SGCZ: variants seen among roughly 807,000 people sequenced by gnomAD.
The protein encoded by SGCZ is sarcoglycan zeta, also known as zeta-sarcoglycan.
SGCZ carries 40 observed loss-of-function variants against 41.3 expected under a neutral mutation model. The ratio of observed to expected loss-of-function variants is 0.97; its 90% confidence interval spans 0.75 to 1.26. The LOEUF (loss-of-function observed/expected upper bound fraction) is 1.26. Ranked by LOEUF, SGCZ falls within the 50% of genes most tolerant of loss-of-function variation. SGCZ has a pLI of 0.00. For synonymous variants in SGCZ, 206 were observed against 137.5 expected, an observed-to-expected ratio of 1.50 and a Z score of -3.49; for missense variants, 552 against 369.8, an observed-to-expected ratio of 1.49 and a Z score of -4.04.
chr8:14,420,977 C>T (rs764095215), intron 2 of SGCZ, among the ~76,000 whole-genome samples: 1 of 152,066 alleles, frequency 6.6e-6, no homozygotes, highest in Non-Finnish European at 1.5e-5. Context: ...AGGGATCACA[C>T]TATTTCAGAA....
chr8:14,658,982 G>A (rs2117477201), intron 1 of SGCZ, among the ~76,000 whole-genome samples: 1 of 152,062 alleles, frequency 6.6e-6, no homozygotes, highest in East Asian at 1.9e-4. Flanking sequence ...TGTCAAAGAA[G>A]TTTTACTAAC....
intron 4 of SGCZ, among the ~76,000 whole-genome samples, chr8:14,198,707 G>T (rs1481585997): frequency 6.6e-6 from 1 of 152,164 alleles, no homozygotes; most frequent in Admixed American, 6.5e-5. Context: ...ACCACAAACG[G>T]AGGGACCAGC....
chr8:14,409,378 G>A (rs1002731659), intron 2 of SGCZ, among the ~76,000 whole-genome samples: 4 of 152,008 alleles, frequency 2.6e-5, no homozygotes, highest in African/African-American at 7.2e-5. Flanking sequence ...ATGTAGTTTG[G>A]AGGTAAATAT....
intron 1 of SGCZ, among the ~76,000 whole-genome samples, chr8:15,209,589 A>T (rs1050934766): frequency 6.6e-6 from 1 of 152,098 alleles, no homozygotes; most frequent in African/African-American, 2.4e-5. Flanking sequence ...TGTGGGATAG[A>T]CATTTTGCTT....
intron 4 of SGCZ, among the ~76,000 whole-genome samples, chr8:14,206,341 C>T (rs1388580263): frequency 6.6e-6 from 1 of 152,106 alleles, no homozygotes; most frequent in Non-Finnish European, 1.5e-5. Context: ...TACATCCAGT[C>T]AATTATTTGG....
At chr8:14,206,757 G>C (rs919804238) in intron 4 of SGCZ, among the ~76,000 whole-genome samples, 2 of 152,156 alleles carry the variant, frequency 1.3e-5, no homozygotes, top group Non-Finnish European at 2.9e-5. Flanking sequence ...CCTGCTGTTA[G>C]GAATGGCCAT....
At chr8:14,625,050 A>G (rs528662662) in intron 1 of SGCZ, among the ~76,000 whole-genome samples, 1 of 152,142 alleles carries the variant, frequency 6.6e-6, no homozygotes, top group Non-Finnish European at 1.5e-5. Flanking sequence ...TTGTTTTAAT[A>G]TGTGTCTTAA....
At chr8:14,684,856 T>C (rs1038922012) in intron 1 of SGCZ, among the ~76,000 whole-genome samples, 2 of 152,126 alleles carry the variant, frequency 1.3e-5, no homozygotes, top group African/African-American at 2.4e-5. Context: ...CAGCCTTCAC[T>C]GAAACACATG....
rs980159891 is a variant in SGCZ at position 14,337,653 on chromosome 8, G to C, written c.235-13449C>G. On this transcript the variant is annotated intron_variant, in intron 2 of 7. Transcript: ENST00000382080. ...TAGATATAGTGGAATGAACATACTG[G>C]GTAGGGTCGGAAAACCTACCAAATG... 9.2e-5 allele frequency among the ~76,000 whole-genome samples: 14 copies of C among 152,112 alleles called. No homozygotes were observed. The South Asian group carries it at 1.0e-3, about 11-fold the overall frequency.
intron 2 of SGCZ, among the ~76,000 whole-genome samples, chr8:14,402,810 T>A (rs559595035): frequency 2.0e-5 from 3 of 149,226 alleles, no homozygotes; most frequent in South Asian, 4.2e-4. Context: ...AAGTAGTTTT[T>A]TCCAATTCTG....
intron 1 of SGCZ, among the ~76,000 whole-genome samples, chr8:14,631,455 C>T (rs1224010843): frequency 6.6e-6 from 1 of 152,018 alleles, no homozygotes; most frequent in Non-Finnish European, 1.5e-5. Flanking sequence ...GGTATCTACA[C>T]CACAGAAATT....
intron 1 of SGCZ, among the ~76,000 whole-genome samples, chr8:14,876,880 C>T (rs1325947299): frequency 6.6e-6 from 1 of 152,198 alleles, no homozygotes; most frequent in Non-Finnish European, 1.5e-5. Flanking sequence ...TCCCCCCGCC[C>T]TGCAATGGAG....
chr8:14,244,650 G>A lies in SGCZ; in HGVS notation c.337-6971C>T, dbSNP rs528239919. Among the ~76,000 whole-genome samples, 198 of 151,660 alleles carry A rather than the reference G, an allele frequency of 1.3e-3. 1 individual carries two copies. The highest frequency in any genetic ancestry group is 4.5e-3 in the African/African-American group (185 of 41,298). ...TGCAGAAAGGCATTGGTAGCTTGATGGGGATGGCATAGAATCTATAAATTA... is the reference window on the plus strand; with the variant it reads ...TGCAGAAAGGCATTGGTAGCTTGATAGGGATGGCATAGAATCTATAAATTA... On this transcript the variant is annotated intron_variant, in intron 3 of 7. Coordinates refer to ENST00000382080, the MANE Select transcript of SGCZ (RefSeq NM_139167.4).
intron 3 of SGCZ, among the ~76,000 whole-genome samples, chr8:14,257,088 G>C (rs1193386471): frequency 2.6e-5 from 4 of 152,056 alleles, no homozygotes; most frequent in Non-Finnish European, 2.9e-5. Flanking sequence ...CCTAGCACTA[G>C]AAGGCCAAAG....
At chr8:14,628,810 A>AT (rs1262275656) in intron 1 of SGCZ, among the ~76,000 whole-genome samples, 1 of 152,144 alleles carries the variant, frequency 6.6e-6, no homozygotes, top group Non-Finnish European at 1.5e-5. Flanking sequence ...CTGACTTAAA[A>AT]TAAGAAAGTA....
intron 1 of SGCZ, among the ~76,000 whole-genome samples, chr8:14,739,843 T>C (rs1799147542): frequency 6.6e-6 from 1 of 152,022 alleles, no homozygotes; most frequent in Admixed American, 6.6e-5. Context: ...GGGCTTCCAT[T>C]TTTATCCAAA....
intron 6 of SGCZ, among the ~76,000 whole-genome samples, chr8:14,105,304 T>G (rs1259706435): frequency 6.6e-6 from 1 of 152,134 alleles, no homozygotes; most frequent in Non-Finnish European, 1.5e-5. Flanking sequence ...ACTACATTTC[T>G]TCACCAAAAT....
At chr8:15,182,003 G>C (rs1057045928) in intron 1 of SGCZ, among the ~76,000 whole-genome samples, 1 of 152,032 alleles carries the variant, frequency 6.6e-6, no homozygotes, top group African/African-American at 2.4e-5. Context: ...CCATAGAATG[G>C]TGCACTCATC....
At chr8:14,139,690 A>G (rs1399233818) in intron 5 of SGCZ, among the ~76,000 whole-genome samples, 3 of 151,176 alleles carry the variant, frequency 2.0e-5, no homozygotes, top group Admixed American at 6.6e-5. Context: ...AATTGAGGCA[A>G]TAATAGCCTA....
Sources: allele counts gnomAD v4.1 joint callset (sites outside exome capture counted in the v4.1 genomes callset), GRCh38; gene constraint gnomAD v4.1.1; transcripts MANE v1.5; gene names NCBI Gene and HGNC (gene_info 2026-07-23, HGNC 2026-07-21).